LRRK1: variants seen among roughly 807,000 people sequenced by gnomAD.
LRRK1 encodes the protein leucine rich repeat kinase 1.
Under a neutral mutation model 209.1 loss-of-function variants are expected in LRRK1, and 113 were observed. The observed-to-expected ratio is 0.54, with a 90% CI of 0.46 to 0.63. The LOEUF (loss-of-function observed/expected upper bound fraction) is 0.63, where lower values mean the gene tolerates loss of function less well. Among genes scored for constraint, LRRK1 ranks in the 30% least tolerant of loss-of-function variants. The pLI is 0.00. For synonymous variants in LRRK1, 1,144 were observed against 1,099.7 expected (o/e 1.04, Z -0.80); for missense variants, 2,284 against 2,632.2 (o/e 0.87, Z 2.89).
At chr15:100,964,779 A>AAT (rs1298322952) in intron 2 of LRRK1, among the ~76,000 whole-genome samples, 4 of 129,474 alleles carry the variant, frequency 3.1e-5, no homozygotes, top group African/African-American at 1.2e-4. Context: ...GGAGAAGAGA[A>AAT]ATACACACAC....
At chr15:100,966,867 G>A (rs78931149) in intron 2 of LRRK1, among the ~76,000 whole-genome samples, 25 of 152,316 alleles carry the variant, frequency 1.6e-4, no homozygotes, top group African/African-American at 5.8e-4. Flanking sequence ...AATCACCCTT[G>A]TAATCTCATG....
chr15:101,002,846 T>C (rs2032765763), intron 6 of LRRK1, among the ~76,000 whole-genome samples: 1 of 152,236 alleles, frequency 6.6e-6, no homozygotes, highest in Non-Finnish European at 1.5e-5. Context: ...TGATTCGGCC[T>C]CAGCCTCCCA....
chr15:101,055,121 C>T lies in LRRK1; in HGVS notation c.4230C>T (p.Tyr1410=), dbSNP rs41527944. The part of the protein sequence containing the change: ...KEHINIKLSD[Y]GISRQSFHEG... ...ACATCAACATCAAGCTATCTGACTA[C>T]GGGATTTCGAGGCAGTCATTCCATG... Residue 1410 remains tyrosine (Y), a synonymous_variant, in exon 27 of 34, where the codon TAC becomes TAT. Transcript: ENST00000388948. 4.5e-4 allele frequency: 732 copies of T among 1,613,854 alleles called. 2 individuals are homozygous for T. The African/African-American group carries it at 8.0e-3, about 18-fold the overall frequency.
intron 20 of LRRK1, among the ~76,000 whole-genome samples, chr15:101,037,585 C>T (rs1368409846): frequency 6.6e-6 from 1 of 152,296 alleles, no homozygotes; most frequent in South Asian, 2.1e-4. Flanking sequence ...ACACTGCTGC[C>T]CTGCCACTGG....
intron 20 of LRRK1, among the ~76,000 whole-genome samples, chr15:101,037,755 T>G (rs909789534): frequency 6.6e-6 from 1 of 152,186 alleles, no homozygotes; most frequent in South Asian, 2.1e-4. Context: ...CCAGCACCAC[T>G]GGGCTCCCGG....
At chr15:100,971,089 T>C (rs1340043346) in intron 2 of LRRK1, among the ~76,000 whole-genome samples, 3 of 152,038 alleles carry the variant, frequency 2.0e-5, no homozygotes, top group Non-Finnish European at 4.4e-5. Context: ...ATCCCAGCAC[T>C]CTGTGAGGCT....
chr15:100,975,680 C>T (rs79660574), intron 3 of LRRK1, among the ~76,000 whole-genome samples: 283 of 152,190 alleles, frequency 1.9e-3, no homozygotes, highest in African/African-American at 6.2e-3. Flanking sequence ...TAAGAGTCAA[C>T]GGTTGATGCA....
intron 13 of LRRK1, 110 bp from the exon 14 acceptor site, chr15:101,021,735 G>A: frequency 1.4e-6 from 1 of 695,290 alleles, no homozygotes; most frequent in Admixed American, 2.7e-5. Flanking sequence ...TGTGGGGTCT[G>A]GGGTACAGGC....
intron 6 of LRRK1, among the ~76,000 whole-genome samples, chr15:100,997,005 A>G (rs560593340): frequency 6.6e-6 from 1 of 151,790 alleles, no homozygotes; most frequent in Non-Finnish European, 1.5e-5. Flanking sequence ...ATACAAATGG[A>G]TTCTAGACAA....
rs574628019 is a variant in LRRK1, at chr15:100,965,820, T to G, written c.98-7984T>G. Among the ~76,000 whole-genome samples, 76 of 152,314 alleles carry G rather than the reference T, an allele frequency of 5.0e-4. 2 individuals carry two copies. The highest frequency in any genetic ancestry group is 1.7e-3 in the African/African-American group (69 of 41,562). On this transcript the variant is annotated intron_variant, in intron 2 of 33. Transcript: ENST00000388948. Reference sequence around the variant, plus strand: ...AGTAAGATGCCTGAAAATTTGGAAATTTTCATCACCATATATGAAAATAAT... The same window carrying G: ...AGTAAGATGCCTGAAAATTTGGAAAGTTTCATCACCATATATGAAAATAAT...
chr15:100,933,787 A>C (rs1207916107), intron 2 of LRRK1, among the ~76,000 whole-genome samples: 1 of 118,582 alleles, frequency 8.4e-6, no homozygotes, highest in Non-Finnish European at 1.6e-5. Context: ...ACACCACTCC[A>C]CTCCAGCCTG....
chr15:101,009,375 A>G (rs990738732), intron 7 of LRRK1, among the ~76,000 whole-genome samples: 1 of 152,144 alleles, frequency 6.6e-6, no homozygotes, highest in Non-Finnish European at 1.5e-5. Context: ...GGTGGATGCA[A>G]TGGGGCTCTG....
intron 12 of LRRK1, 22 bp downstream of exon 12, chr15:101,015,424 G>A (rs1457590868): frequency 6.3e-7 from 1 of 1,594,174 alleles, no homozygotes; most frequent in Non-Finnish European, 8.6e-7. Flanking sequence ...TTGGGAGACG[G>A]TGTTCCCAGA....
At chr15:101,035,866 A>G (rs1321312807) in intron 20 of LRRK1, among the ~76,000 whole-genome samples, 4 of 152,244 alleles carry the variant, frequency 2.6e-5, no homozygotes, top group East Asian at 3.9e-4. Flanking sequence ...ATGATGTTAA[A>G]TGTCACTTTT....
At chr15:100,939,556 C>A (rs1263792534) in intron 2 of LRRK1, among the ~76,000 whole-genome samples, 3 of 152,208 alleles carry the variant, frequency 2.0e-5, no homozygotes, top group African/African-American at 7.2e-5. Flanking sequence ...GGTGTCAGCG[C>A]AATCACTCTT....
intron 2 of LRRK1, among the ~76,000 whole-genome samples, chr15:100,940,886 C>T (rs1208597306): frequency 2.0e-5 from 3 of 152,156 alleles, no homozygotes; most frequent in African/African-American, 4.8e-5. Flanking sequence ...AGGTTTGCCC[C>T]GAACAGTAAT....
intron 10 of LRRK1, among the ~76,000 whole-genome samples, chr15:101,013,258 C>G (rs1358837063): frequency 2.6e-5 from 4 of 152,136 alleles, no homozygotes; most frequent in Non-Finnish European, 1.5e-5. Context: ...TGATGGTGGG[C>G]GGTGGCGTGA....
At chr15:101,055,256 A>G in intron 27 of LRRK1, 33 bp downstream of exon 27, 1 of 1,508,776 alleles carries the variant, frequency 6.6e-7, no homozygotes, top group Non-Finnish European at 8.8e-7. Flanking sequence ...CCAGCCCCAC[A>G]GTGTAGGAGC....
chr15:100,953,508 C>CTATATATA (rs60971994), intron 2 of LRRK1, among the ~76,000 whole-genome samples: 51 of 146,588 alleles, frequency 3.5e-4, no homozygotes, highest in African/African-American at 4.8e-4. Flanking sequence ...ATGTGTGTGT[C>CTATATATA]TATATATATA....
Sources: gnomAD v4.1 joint callset for allele counts (sites outside exome capture counted in the v4.1 genomes callset) on GRCh38, gnomAD v4.1.1 for gene constraint, MANE v1.5 for transcripts, NCBI Gene and HGNC (gene_info 2026-07-23, HGNC 2026-07-21) for gene names.